The following EZH2 variants were observed in gnomAD, a reference collection of about 807,000 sequenced individuals.
EZH2 encodes enhancer of zeste 2 polycomb repressive complex 2 subunit, also known as histone-lysine N-methyltransferase EZH2.
A neutral mutation model predicts 98.4 loss-of-function variants in EZH2; 18 were observed. The observed-to-expected ratio is 0.18, with a 90% confidence interval of 0.13 to 0.27. The LOEUF (loss-of-function observed/expected upper bound fraction) is 0.27. Ranked by LOEUF, EZH2 falls within the 10% of genes least tolerant of loss-of-function variation. The pLI is 1.00. For missense variants in EZH2, 470 were observed against 935.1 expected (o/e 0.50, Z 6.49); for synonymous variants, 338 against 312.3 (o/e 1.08, Z -0.87).
intron 8 of EZH2, 150 bp from the exon 9 acceptor site, chr7:148,819,837 A>G (rs1161121125): frequency 3.1e-6 from 2 of 651,060 alleles, no homozygotes; most frequent in Non-Finnish European, 5.2e-6. Context: ...TCAGGCTCTT[A>G]CTGAATGATC....
chr7:148,866,628 GTATA>G (rs1465975072), intron 1 of EZH2, among the ~76,000 whole-genome samples: 3 of 142,314 alleles, frequency 2.1e-5, no homozygotes, highest in East Asian at 2.0e-4. Flanking sequence ...ATGCATATAT[GTATA>G]TATACATATA....
Position 148,814,933 on chromosome 7 carries a change from A to C in EZH2, c.1653T>G (p.Phe551Leu). 1 of 1,613,196 alleles carries C rather than the reference A, an allele frequency of 6.2e-7. No individual in the cohort carries two copies. Among genetic ancestry groups the C allele is most frequent in the Non-Finnish European group, 8.5e-7 (1 of 1,179,968 alleles). The change falls in exon 14 of 20, where the codon TTT (phenylalanine) becomes TTG (leucine). Residue 551 changes from phenylalanine (F) to leucine (L), a missense_variant. By Grantham distance (22) the Phe-to-Leu change is conservative. This residue lies in a region of EZH2 where 106 missense variants were observed against 327.2 expected (regional missense o/e 0.32). Transcript: ENST00000320356. ...ACTTACACTCTGAACTACATTGACAAAACTTTTCACAAAAATTTTGTGCTA... is the reference window on the plus strand; with the variant it reads ...ACTTACACTCTGAACTACATTGACACAACTTTTCACAAAAATTTTGTGCTA... ...CVIAQNFCEK[F>L]CQCSSECQNR...
intron 1 of EZH2, among the ~76,000 whole-genome samples, chr7:148,873,541 T>C (rs1477823698): frequency 2.9e-5 from 4 of 137,208 alleles, no homozygotes; most frequent in African/African-American, 5.3e-5. Context: ...GTTTGCAGAA[T>C]CATTTCATGC....
intron 1 of EZH2, among the ~76,000 whole-genome samples, chr7:148,872,978 C>A (rs1819633218): frequency 6.6e-6 from 1 of 151,874 alleles, no homozygotes; most frequent in South Asian, 2.1e-4. Flanking sequence ...AGGTGGCAGG[C>A]CACCCTGGGC....
chr7:148,845,749 C>G (rs1385933332), intron 3 of EZH2, among the ~76,000 whole-genome samples: 1 of 152,218 alleles, frequency 6.6e-6, no homozygotes, highest in African/African-American at 2.4e-5. Context: ...TTCCAACTCG[C>G]TCTTTCCCCT....
At chr7:148,849,084 G>A (rs1475852203) in intron 1 of EZH2, among the ~76,000 whole-genome samples, 1 of 152,124 alleles carries the variant, frequency 6.6e-6, no homozygotes, top group African/African-American at 2.4e-5. Context: ...GTACAGACAT[G>A]TTCAGTACAG....
chr7:148,881,031 T>C (rs1260438140), intron 1 of EZH2, among the ~76,000 whole-genome samples: 1 of 152,240 alleles, frequency 6.6e-6, no homozygotes, highest in East Asian at 1.9e-4. Context: ...AACCTTTCTC[T>C]GAATTTAATG....
chr7:148,850,192 G>C (rs1418544046), intron 1 of EZH2, among the ~76,000 whole-genome samples: 1 of 151,964 alleles, frequency 6.6e-6, no homozygotes, highest in Non-Finnish European at 1.5e-5. Context: ...CTAATTTTTT[G>C]TATTTTTAGT....
At chr7:148,821,716 C>T (rs142595159) in intron 8 of EZH2, among the ~76,000 whole-genome samples, 95 of 152,248 alleles carry the variant, frequency 6.2e-4, no homozygotes, top group African/African-American at 1.8e-3. Flanking sequence ...GTCCCAGCTA[C>T]GCAGGAAGCT....
At chr7:148,878,791 T>A (rs535974305) in intron 1 of EZH2, among the ~76,000 whole-genome samples, 1 of 151,736 alleles carries the variant, frequency 6.6e-6, no homozygotes, top group African/African-American at 2.4e-5. Flanking sequence ...CCCAGCTACT[T>A]GGGAGGCTGA....
At chr7:148,842,875 G>A (rs1812828318) in intron 3 of EZH2, among the ~76,000 whole-genome samples, 1 of 152,002 alleles carries the variant, frequency 6.6e-6, no homozygotes, top group South Asian at 2.1e-4. Flanking sequence ...AGACCAGCCT[G>A]GAAAACATGG....
chr7:148,832,577 C>T lies in EZH2; in HGVS notation c.363+57G>A, dbSNP rs1563254134. ...CACCTTGACAATAAAATTATCTATGCTTTTTTACTTCAAATAAGTTATTAT... is the reference window on the plus strand; with the variant it reads ...CACCTTGACAATAAAATTATCTATGTTTTTTTACTTCAAATAAGTTATTAT... On this transcript the variant is annotated intron_variant, in intron 4 of 19. Transcript: ENST00000320356. 7 of 935,994 alleles carry T rather than the reference C, an allele frequency of 7.5e-6. No homozygotes were observed. The South Asian group carries it at 8.4e-5, about 11-fold the overall frequency. The allele number at this position is 935,994 out of a possible 1,614,324, so 58.0% of individuals were successfully genotyped here.
At chr7:148,814,826 T>C (rs952817007) in intron 14 of EZH2, 88 bp downstream of exon 14, 9 of 1,464,258 alleles carry the variant, frequency 6.1e-6, no homozygotes, top group Non-Finnish European at 8.3e-6. Context: ...AAGGGAGTGC[T>C]CCCATGTTCT....
chr7:148,870,809 ATACCAAC>A (rs1348128292), intron 1 of EZH2, among the ~76,000 whole-genome samples: 1 of 152,148 alleles, frequency 6.6e-6, no homozygotes, highest in Non-Finnish European at 1.5e-5. Flanking sequence ...CATACCTGTA[ATACCAAC>A]TACTCAGGAG....
At chr7:148,815,308 C>G (rs964273639) in intron 13 of EZH2, among the ~76,000 whole-genome samples, 198 bp downstream of exon 13, 3 of 152,226 alleles carry the variant, frequency 2.0e-5, no homozygotes, top group African/African-American at 7.2e-5. Flanking sequence ...GGACTCACAC[C>G]TTCCAGTCAG....
At chr7:148,827,706 T>G (rs1237042611) in intron 6 of EZH2, among the ~76,000 whole-genome samples, 1 of 152,256 alleles carries the variant, frequency 6.6e-6, no homozygotes, top group African/African-American at 2.4e-5. Context: ...TTCTATTCTA[T>G]GCTGCCTTAG....
chr7:148,830,966 A>G (rs17627983), intron 4 of EZH2, among the ~76,000 whole-genome samples: 15,610 of 152,280 alleles, frequency 0.1, 1,071 homozygotes, highest in Non-Finnish European at 0.15. Flanking sequence ...ACAGAATTTT[A>G]GAAAGATAAT....
At chr7:148,871,768 TCTCA>T (rs1025429966) in intron 1 of EZH2, among the ~76,000 whole-genome samples, 3 of 151,890 alleles carry the variant, frequency 2.0e-5, no homozygotes, top group African/African-American at 7.3e-5. Flanking sequence ...AGAGATGAGG[TCTCA>T]CTATGTTGTC....
intron 1 of EZH2, among the ~76,000 whole-genome samples, chr7:148,849,769 A>G (rs551788812): frequency 1.3e-5 from 2 of 152,348 alleles, no homozygotes; most frequent in East Asian, 3.9e-4. Context: ...TCTGCTAGTT[A>G]GTTAACAGAT....
Sources: allele counts gnomAD v4.1 joint callset (sites outside exome capture counted in the v4.1 genomes callset), GRCh38; gene constraint gnomAD v4.1.1; regional missense constraint gnomAD v4.1.1; transcripts MANE v1.5; gene names NCBI Gene and HGNC (gene_info 2026-07-23, HGNC 2026-07-21).